The following PRR14L variants were observed in gnomAD, a reference collection of about 807,000 sequenced individuals.
The protein encoded by PRR14L is protein PRR14L.
A neutral mutation model predicts 155.0 loss-of-function variants in PRR14L; 80 were observed. The ratio of observed to expected loss-of-function variants is 0.52; its 90% confidence interval spans 0.43 to 0.62. PRR14L has a LOEUF of 0.62. PRR14L is among the 20% of genes least tolerant of loss of function. The pLI is 0.00. For synonymous variants in PRR14L, 883 were observed against 916.0 expected, an observed-to-expected ratio of 0.96 and a Z score of 0.65; for missense variants, 2,469 against 2,548.0, an observed-to-expected ratio of 0.97 and a Z score of 0.67.
chr22:31,689,778 C>A (rs1033882258), intron 7 of PRR14L, among the ~76,000 whole-genome samples: 1 of 152,046 alleles, frequency 6.6e-6, no homozygotes, highest in South Asian at 2.1e-4. Flanking sequence ...CAGAGTTTCG[C>A]TCTTTTTGCC....
intron 1 of PRR14L, among the ~76,000 whole-genome samples, chr22:31,748,791 CTT>C (rs2074854689): frequency 6.6e-6 from 1 of 152,206 alleles, no homozygotes; most frequent in South Asian, 2.1e-4. Context: ...TCAGGTCTCA[CTT>C]TCTCTTAAGA....
At chr22:31,700,417 C>T (rs2074557271) in intron 7 of PRR14L, among the ~76,000 whole-genome samples, 1 of 152,024 alleles carries the variant, frequency 6.6e-6, no homozygotes, top group African/African-American at 2.4e-5. Flanking sequence ...AAACATAAGA[C>T]AAAAATACAA....
At chr22:31,725,269 G>T (rs566595934) in intron 3 of PRR14L, among the ~76,000 whole-genome samples, 1 of 152,208 alleles carries the variant, frequency 6.6e-6, no homozygotes, top group African/African-American at 2.4e-5. Context: ...AGTCAGGCAT[G>T]GTGGGTCACG....
At chr22:31,733,106 A>C (rs2074759052) in intron 2 of PRR14L, among the ~76,000 whole-genome samples, 1 of 150,546 alleles carries the variant, frequency 6.6e-6, no homozygotes, top group Non-Finnish European at 1.5e-5. Flanking sequence ...TCCTGCCTCA[A>C]CCTCCCGAGT....
At chr22:31,722,434 G>C (rs79504077) in intron 3 of PRR14L, among the ~76,000 whole-genome samples, 1 of 143,028 alleles carries the variant, frequency 7.0e-6, no homozygotes, top group Non-Finnish European at 1.5e-5. Context: ...AAAAAAAAAA[G>C]AAAGAAAACT....
At position 31,688,161 on chromosome 22, in the gene PRR14L, T is replaced by C. The variant is rs1198545863; in HGVS notation, c.6174A>G (p.Ala2058=). The change falls in exon 8 of 9, where the codon GCA becomes GCG. Residue 2058 remains alanine (A), a synonymous_variant. Transcript: ENST00000327423. The part of the protein sequence containing the change: ...YTNKNYKSPP[A]NRCLETIFEE... Reference sequence around the variant, plus strand: ...TCCCAGCTATAAGTACCTACCTGTTTGCAGGAGGAGATTTATAATTCTTGT... The same window carrying C: ...TCCCAGCTATAAGTACCTACCTGTTCGCAGGAGGAGATTTATAATTCTTGT... 1.2e-6 allele frequency: 2 copies of C among 1,605,476 alleles called. No homozygotes were observed. The highest frequency in any genetic ancestry group is 1.7e-6 in the Non-Finnish European group (2 of 1,176,522).
chr22:31,698,795 G>A (rs182122891), intron 7 of PRR14L, among the ~76,000 whole-genome samples: 15 of 151,290 alleles, frequency 9.9e-5, no homozygotes, highest in East Asian at 4.0e-4. Context: ...ACTGGCGGGC[G>A]CCTGTAGTCC....
At position 31,716,533 on chromosome 22, in the gene PRR14L, C is replaced by T; in HGVS notation, c.1306G>A (p.Val436Ile). The change falls in exon 4 of 9, where the codon GTT (valine) becomes ATT (isoleucine). Residue 436 changes from valine (V) to isoleucine (I), a missense_variant. By Grantham distance (29) the Val-to-Ile change is conservative (BLOSUM62 3). Coordinates refer to ENST00000327423, the MANE Select transcript of PRR14L (RefSeq NM_173566.3). ...TTGTGGATATTTTCCTTTGGAGAAA[C>T]AACAGGCTCTTTTTCACCAGAACAA... is the stretch of plus-strand genomic sequence containing the variant. ...GRCSGEKEPV[V>I]SPKENIHNNC... 6.5e-7 allele frequency: 1 copy of T among 1,545,738 alleles called. No homozygotes were observed. Among genetic ancestry groups the T allele is most frequent in the Non-Finnish European group, 8.7e-7 (1 of 1,145,514 alleles).
chr22:31,738,556 G>A lies in PRR14L; in HGVS notation c.305C>T (p.Ser102Phe), dbSNP rs1347540856. 2 of 1,551,982 alleles carry A rather than the reference G, an allele frequency of 1.3e-6. No individual in the cohort carries two copies. Among genetic ancestry groups the A allele is most frequent in the South Asian group, 2.4e-5 (2 of 84,066 alleles). Residue 102 changes from serine (S) to phenylalanine (F), a missense_variant, in exon 2 of 9, where the codon TCT (serine) becomes TTT (phenylalanine). Physicochemically the swap from Ser to Phe is radical, Grantham distance 155 (BLOSUM62 -2). Around this residue, in one of 2 missense-constraint regions of PRR14L, gnomAD observed 2,363 missense variants for 2,371.6 expected, o/e 1.00. Transcript: ENST00000327423. Reference sequence around the variant, plus strand: ...CCTATCCAAGATCCCAGATGCCACAGAACCTCCTGCTGTGGAGTCCACTAG... The same window carrying A: ...CCTATCCAAGATCCCAGATGCCACAAAACCTCCTGCTGTGGAGTCCACTAG... ...CGLVDSTAGG[S>F]VASGILDRAK...
intron 2 of PRR14L, among the ~76,000 whole-genome samples, chr22:31,737,671 C>T (rs1245802435): frequency 3.3e-5 from 5 of 151,518 alleles, no homozygotes; most frequent in African/African-American, 1.2e-4. Context: ...ATCACACTAT[C>T]ATAGCTCACT....
chr22:31,730,192 C>G (rs952685921), intron 2 of PRR14L, among the ~76,000 whole-genome samples: 5 of 151,438 alleles, frequency 3.3e-5, no homozygotes, highest in African/African-American at 9.7e-5. Flanking sequence ...GTAATCCCAG[C>G]ACTTTGGGAG....
chr22:31,690,561 T>A (rs1189455455), intron 7 of PRR14L, among the ~76,000 whole-genome samples: 3 of 152,140 alleles, frequency 2.0e-5, no homozygotes, highest in Non-Finnish European at 2.9e-5. Flanking sequence ...GATAGCTGAC[T>A]GCAGCCTCGA....
At position 31,717,158 on chromosome 22, in the gene PRR14L, T is replaced by A. The variant is rs1373199272; in HGVS notation, c.681A>T (p.Gly227=). Residue 227 remains glycine (G), a synonymous_variant, in exon 4 of 9, where the codon GGA becomes GGT. Transcript: ENST00000327423. The stretch of plus-strand genomic sequence containing the variant: ...TGTCTACTTCTTGGAATTCACCGCA[T>A]CCAGCTGAGAGATCTTTACTCACAT... ...NGNVSKDLSA[G]CGEFQEVDKI... The A allele has an allele frequency of 1.3e-6, 2 of 1,552,224 alleles. No individual in the cohort carries two copies. Among genetic ancestry groups the A allele is most frequent in the East Asian group, 4.9e-5 (2 of 40,940 alleles).
chr22:31,704,763 G>T, intron 4 of PRR14L, 37 bp from the exon 5 acceptor site: 1 of 1,525,330 alleles, frequency 6.6e-7, no homozygotes, highest in Middle Eastern at 1.7e-4. Context: ...AATAGGTAAG[G>T]GCAGTGGGAT....
At chr22:31,726,348 C>G (rs548784330) in intron 2 of PRR14L, among the ~76,000 whole-genome samples, 8 of 152,128 alleles carry the variant, frequency 5.3e-5, no homozygotes, top group African/African-American at 1.9e-4. Flanking sequence ...CCAGGCTGGT[C>G]TTGAACTCCT....
intron 7 of PRR14L, among the ~76,000 whole-genome samples, chr22:31,700,486 GATT>G (rs2074557585): frequency 6.6e-6 from 1 of 152,186 alleles, no homozygotes; most frequent in African/African-American, 2.4e-5. Context: ...CCTAACAAAT[GATT>G]ATTTTATTCG....
At chr22:31,689,495 C>A (rs2074499874) in intron 7 of PRR14L, among the ~76,000 whole-genome samples, 2 of 152,166 alleles carry the variant, frequency 1.3e-5, no homozygotes, top group Non-Finnish European at 2.9e-5. Context: ...TAAAATTCAT[C>A]CATTTAAAAT....
chr22:31,719,854 C>T (rs958545887), intron 3 of PRR14L, among the ~76,000 whole-genome samples: 4 of 151,970 alleles, frequency 2.6e-5, no homozygotes, highest in East Asian at 1.9e-4. Context: ...CTCTCACCTC[C>T]GCCTCCCAAG....
Position 31,714,943 on chromosome 22 carries a change from C to T in PRR14L, c.2896G>A (p.Ala966Thr). ...VKSVETLDQK[A>T]DEVLDCQSNQ... ...CTCTGACAGTCAAGGACTTCATCTG[C>T]CTTCTGATCGAGTGTTTCAACTGAT... Residue 966 changes from alanine (A) to threonine (T), a missense_variant, in exon 4 of 9, where the codon GCA (alanine) becomes ACA (threonine). By Grantham distance (58) the Ala-to-Thr change is moderately conservative. This residue lies in a region of PRR14L where 2,363 missense variants were observed against 2,371.6 expected (regional missense o/e 1.00). Transcript: ENST00000327423. 6.4e-7 allele frequency: 1 copy of T among 1,552,014 alleles called. No individual in the cohort carries two copies.
Sources: allele counts gnomAD v4.1 joint callset (sites outside exome capture counted in the v4.1 genomes callset), GRCh38; gene constraint gnomAD v4.1.1; regional missense constraint gnomAD v4.1.1; transcripts MANE v1.5; gene names NCBI Gene and HGNC (gene_info 2026-07-23, HGNC 2026-07-21).